The following SLC10A2 variants were observed in gnomAD, a reference collection of about 807,000 sequenced individuals.
SLC10A2 encodes solute carrier family 10 member 2.
A neutral mutation model predicts 27.1 loss-of-function variants in SLC10A2; 34 were observed. The ratio of observed to expected loss-of-function variants is 1.26; its 90% CI spans 0.96 to 1.67. The LOEUF is 1.67. SLC10A2 is among the 40% of genes most tolerant of loss of function. The pLI, the probability that SLC10A2 is intolerant of heterozygous loss-of-function variation, is 0.00. For missense variants in SLC10A2, 530 were observed against 444.4 expected, an observed-to-expected ratio of 1.19 and a Z score of -1.73; for synonymous variants, 205 against 174.0, an observed-to-expected ratio of 1.18 and a Z score of -1.40.
chr13:103,065,781 G>A (rs1046204467), intron 1 of SLC10A2, 92 bp downstream of exon 1: 16 of 1,434,192 alleles, frequency 1.1e-5, no homozygotes, highest in Non-Finnish European at 1.4e-5. Flanking sequence ...CTTTAGATGC[G>A]TGGCAAATCA....
At chr13:103,049,179 A>G (rs1875694431) in intron 5 of SLC10A2, 110 bp downstream of exon 5, 4 of 1,170,880 alleles carry the variant, frequency 3.4e-6, no homozygotes, top group Middle Eastern at 2.0e-4. Flanking sequence ...TTCCTCTCAT[A>G]TATTTGTACA....
In SLC10A2 at chr13:103,049,276, C is replaced by T. The variant is rs919944981; in HGVS notation, c.919+13G>A. 2.5e-6 allele frequency: 4 copies of T among 1,612,778 alleles called. No individual in the cohort carries two copies. Among genetic ancestry groups the T allele is most frequent in the Non-Finnish European group, 3.4e-6 (4 of 1,179,262 alleles). On this transcript the variant is annotated intron_variant, in intron 5 of 5. Coordinates refer to ENST00000245312, the MANE Select transcript of SLC10A2 (RefSeq NM_000452.3). ...AAAGATTATCATGAAATGGGATTGG[C>T]ATGATTCCTTACATCCTAAGAATAT...
intron 1 of SLC10A2, among the ~76,000 whole-genome samples, chr13:103,061,401 C>CTT (rs3837572): frequency 4.7e-4 from 71 of 151,594 alleles, no homozygotes; most frequent in African/African-American, 1.4e-3. Context: ...AATAAAATCA[C>CTT]TTTTTTTTCT....
rs1272263643 is a variant in SLC10A2 at position 103,044,092 on chromosome 13, T to G, written c.*2041A>C. On this transcript the variant is annotated 3_prime_UTR_variant, in exon 6 of 6. Coordinates refer to ENST00000245312, the MANE Select transcript of SLC10A2 (RefSeq NM_000452.3). ...AATAAAATACATAATTTAATCGACT[T>G]TTCAAATTCATTTAAAAATAGAGAG... 6.6e-6 allele frequency: 1 copy of G among 152,196 alleles called. No individual in the cohort carries two copies. 9.4% of individuals were successfully genotyped at this position (152,196 alleles called of 1,614,324 possible).
intron 5 of SLC10A2, among the ~76,000 whole-genome samples, chr13:103,047,444 T>C (rs754937966): frequency 6.6e-6 from 1 of 152,160 alleles, no homozygotes; most frequent in South Asian, 2.1e-4. Flanking sequence ...CTTAAACTTA[T>C]GCCAATGATT....
At chr13:103,061,813 C>T (rs1032684585) in intron 1 of SLC10A2, among the ~76,000 whole-genome samples, 1 of 152,004 alleles carries the variant, frequency 6.6e-6, no homozygotes, top group African/African-American at 2.4e-5. Context: ...AATCAAACCA[C>T]TCAAAATGAG....
chr13:103,048,721 CAGG>C (rs947323948), intron 5 of SLC10A2, among the ~76,000 whole-genome samples: 14 of 152,222 alleles, frequency 9.2e-5, no homozygotes, highest in African/African-American at 2.9e-4. Flanking sequence ...TGCCACAGGA[CAGG>C]AGAAGTAAGA....
In SLC10A2 at chr13:103,045,575, A is replaced by G. The variant is rs1230022455; in HGVS notation, c.*558T>C. The G allele has an allele frequency of 6.6e-6, 1 of 152,378 alleles. No homozygotes were observed. The highest frequency in any genetic ancestry group is 2.4e-5 in the African/African-American group (1 of 41,454). 9.4% of individuals were successfully genotyped at this position (152,378 alleles called of 1,614,324 possible). On this transcript the variant is annotated 3_prime_UTR_variant, in exon 6 of 6. Transcript: ENST00000245312. ...AGAAGGCAACTTTTTAAAAATACAGAAGTCAGATATTTGCCCATGTTATAT... is the reference window on the plus strand; with the variant it reads ...AGAAGGCAACTTTTTAAAAATACAGGAGTCAGATATTTGCCCATGTTATAT...
At chr13:103,048,769 A>G (rs540895976) in intron 5 of SLC10A2, among the ~76,000 whole-genome samples, 6 of 152,216 alleles carry the variant, frequency 3.9e-5, no homozygotes, top group Non-Finnish European at 8.8e-5. Context: ...TTACATAAGG[A>G]ACATTTTTGC....
chr13:103,048,121 G>A (rs1409907011), intron 5 of SLC10A2, among the ~76,000 whole-genome samples: 2 of 152,066 alleles, frequency 1.3e-5, no homozygotes, highest in Non-Finnish European at 2.9e-5. Flanking sequence ...GAAAAGTAAA[G>A]CAAAACCATA....
intron 4 of SLC10A2, among the ~76,000 whole-genome samples, chr13:103,050,273 G>T (rs1875737387): frequency 6.6e-6 from 1 of 152,300 alleles, no homozygotes; most frequent in South Asian, 2.1e-4. Context: ...GGTCCCCCGG[G>T]CAGTGTGTGG....
At chr13:103,057,734 C>A (rs1367817287) in intron 2 of SLC10A2, among the ~76,000 whole-genome samples, 3 of 151,914 alleles carry the variant, frequency 2.0e-5, no homozygotes, top group African/African-American at 7.3e-5. Context: ...CAAAAATTAG[C>A]CAGGCGTGGT....
intron 2 of SLC10A2, among the ~76,000 whole-genome samples, chr13:103,054,778 G>A (rs1216084399): frequency 2.6e-5 from 4 of 152,230 alleles, no homozygotes; most frequent in African/African-American, 9.6e-5. Flanking sequence ...CACCCACAGT[G>A]TGTGGCTTCT....
intron 2 of SLC10A2, 63 bp downstream of exon 2, chr13:103,058,200 CT>C: frequency 1.0e-6 from 1 of 975,638 alleles, no homozygotes; most frequent in East Asian, 2.4e-5. Context: ...GTCTGAGAGC[CT>C]AGCAGGGGGT....
At chr13:103,058,464 CTTTTA>C (rs1876008081) in intron 1 of SLC10A2, 82 bp from the exon 2 acceptor site, 2 of 875,174 alleles carry the variant, frequency 2.3e-6, no homozygotes, top group South Asian at 1.4e-5. Flanking sequence ...TTTAATTTAA[CTTTTA>C]TTTTAAGTTT....
intron 4 of SLC10A2, among the ~76,000 whole-genome samples, chr13:103,050,270 C>G (rs905903979): frequency 6.6e-6 from 1 of 152,166 alleles, no homozygotes; most frequent in Non-Finnish European, 1.5e-5. Flanking sequence ...TGAGGTCCCC[C>G]GGGCAGTGTG....
chr13:103,063,390 A>G (rs1876182945), intron 1 of SLC10A2, among the ~76,000 whole-genome samples: 1 of 152,216 alleles, frequency 6.6e-6, no homozygotes, highest in South Asian at 2.1e-4. Context: ...CAATTAGTGT[A>G]GCTGCCTGTT....
chr13:103,044,530 A>C lies in SLC10A2; in HGVS notation c.*1603T>G, dbSNP rs1795270715. 1 of 152,186 alleles carries C rather than the reference A, an allele frequency of 6.6e-6. No individual in the cohort carries two copies. The highest frequency in any genetic ancestry group is 2.1e-4 in the South Asian group (1 of 4,830). 9.4% of individuals were successfully genotyped at this position (152,186 alleles called of 1,614,324 possible). On this transcript the variant is annotated 3_prime_UTR_variant, in exon 6 of 6. Transcript: ENST00000245312. ...ATTTGTCTAATGATGGAAAAATATG[A>C]AGTACTTATTCAACTGTAAATGGAA...
rs1360431288 is a variant in SLC10A2 at position 103,044,492 on chromosome 13, T to C, written c.*1641A>G. On this transcript the variant is annotated 3_prime_UTR_variant, in exon 6 of 6. Transcript: ENST00000245312. ...TCCTCCACTATCTCTTAAAATTATT[T>C]AGTCCATTTTGTATTTGTCTAATGA... The C allele has an allele frequency of 6.6e-6, 1 of 152,222 alleles. No individual in the cohort carries two copies. Among genetic ancestry groups the C allele is most frequent in the Non-Finnish European group, 1.5e-5 (1 of 68,042 alleles). The allele number at this position is 152,222 out of a possible 1,614,324, so 9.4% of individuals were successfully genotyped here.
Sources: allele counts gnomAD v4.1 joint callset (sites outside exome capture counted in the v4.1 genomes callset), GRCh38; gene constraint gnomAD v4.1.1; transcripts MANE v1.5; gene names NCBI Gene and HGNC (gene_info 2026-07-23, HGNC 2026-07-21).